Variants in MAST4 observed in about 807,000 individuals in gnomAD.
MAST4 encodes the protein microtubule-associated serine/threonine-protein kinase 4.
MAST4 carries 89 observed loss-of-function variants against 162.7 expected under a neutral mutation model. That is an observed-to-expected ratio of 0.55 (90% CI 0.46 to 0.65). MAST4 has a LOEUF of 0.65. Among genes scored for constraint, MAST4 ranks in the 30% least tolerant of loss-of-function variants. The pLI, the probability that MAST4 is intolerant of heterozygous loss-of-function variation, is 0.00. For missense variants in MAST4, 3,153 were observed against 3,374.0 expected (o/e 0.93, Z 1.62); for synonymous variants, 1,479 against 1,361.1 (o/e 1.09, Z -1.91).
intron 2 of MAST4, among the ~76,000 whole-genome samples, chr5:66,783,133 C>T (rs943490935): frequency 2.6e-5 from 4 of 152,176 alleles, no homozygotes; most frequent in African/African-American, 9.7e-5. Context: ...ACGCAAATAA[C>T]GACATCTAAA....
At position 66,726,604 on chromosome 5, in the gene MAST4, G is replaced by T. The variant is rs73765325; in HGVS notation, c.364-33105G>T. 6.7e-3 allele frequency among the ~76,000 whole-genome samples: 1,021 copies of T among 152,092 alleles called. 7 individuals carry two copies. Among genetic ancestry groups the T allele is most frequent in the African/African-American group, 0.023 (940 of 41,468 alleles). On this transcript the variant is annotated intron_variant, in intron 1 of 28. Transcript: ENST00000403625. ...TTAAGTTGGGGACTGACAGAGTCAG[G>T]TCTGCATTTCAAATAGATCAGGGGT...
intron 4 of MAST4, among the ~76,000 whole-genome samples, chr5:67,028,293 G>C (rs142801242): frequency 6.6e-6 from 1 of 152,050 alleles, no homozygotes; most frequent in Non-Finnish European, 1.5e-5. Flanking sequence ...AATAGCTATC[G>C]TACAGAGACT....
At chr5:66,793,973 C>T (rs1048427472) in intron 3 of MAST4, among the ~76,000 whole-genome samples, 6 of 152,206 alleles carry the variant, frequency 3.9e-5, no homozygotes, top group Non-Finnish European at 8.8e-5. Flanking sequence ...TCCTCAGTGC[C>T]TAGAATAGTG....
intron 4 of MAST4, among the ~76,000 whole-genome samples, chr5:67,016,902 C>G (rs1384858881): frequency 6.6e-6 from 1 of 152,166 alleles, no homozygotes; most frequent in Admixed American, 6.5e-5. Flanking sequence ...GACAAAAATT[C>G]TTTCTGATTA....
At chr5:66,819,972 T>C (rs1289575201) in intron 3 of MAST4, among the ~76,000 whole-genome samples, 1 of 150,894 alleles carries the variant, frequency 6.6e-6, no homozygotes, top group Non-Finnish European at 1.5e-5. Flanking sequence ...TAATTTTTTT[T>C]TTTTTTTTGT....
Position 67,166,601 on chromosome 5 carries a change from G to A in MAST4, c.7422G>A (p.Glu2474=), listed in dbSNP as rs762693079. Residue 2474 remains glutamate (E), a synonymous_variant, in exon 29 of 29, where the codon GAG becomes GAA. Transcript: ENST00000403625. ...CTGAAACCAGGGCCGGAGTTAGAGA[G>A]GCCTCTGCAGCCAGCAGCGACACCT... ...SFPETRAGVR[E]ASAASSDTSS... The A allele has an allele frequency of 1.5e-5, 24 of 1,601,398 alleles. No individual in the cohort carries two copies. The highest frequency in any genetic ancestry group is 1.7e-4 in the Middle Eastern group (1 of 6,044).
chr5:66,977,104 C>T (rs1748239459), intron 4 of MAST4, among the ~76,000 whole-genome samples: 1 of 151,994 alleles, frequency 6.6e-6, no homozygotes, highest in Non-Finnish European at 1.5e-5. Context: ...TTTCTATTAT[C>T]AGACTTTCTT....
chr5:66,955,948 C>T (rs1392766810), intron 4 of MAST4, among the ~76,000 whole-genome samples: 1 of 151,340 alleles, frequency 6.6e-6, no homozygotes, highest in Non-Finnish European at 1.5e-5. Context: ...TCATATATTA[C>T]AATTAGTTGA....
intron 4 of MAST4, among the ~76,000 whole-genome samples, chr5:66,933,967 C>T (rs1403420967): frequency 6.6e-6 from 1 of 152,070 alleles, no homozygotes; most frequent in East Asian, 1.9e-4. Context: ...GCTGAGATTA[C>T]AGGCATGAGC....
At chr5:67,035,964 G>T (rs1393861458) in intron 4 of MAST4, among the ~76,000 whole-genome samples, 2 of 151,984 alleles carry the variant, frequency 1.3e-5, no homozygotes, top group African/African-American at 4.8e-5. Context: ...ACCCCTCTAG[G>T]CTTGAGAAGC....
At chr5:66,909,454 T>C (rs1763601349) in intron 4 of MAST4, among the ~76,000 whole-genome samples, 2 of 152,196 alleles carry the variant, frequency 1.3e-5, no homozygotes, top group Admixed American at 6.5e-5. Context: ...GTGGTCTATA[T>C]GGAAAATTTT....
chr5:67,068,319 T>C (rs1198177922), intron 5 of MAST4, among the ~76,000 whole-genome samples: 4 of 152,198 alleles, frequency 2.6e-5, no homozygotes, highest in Non-Finnish European at 5.9e-5. Context: ...CTCACAGTTC[T>C]GCATGGCTGG....
At chr5:67,078,428 C>T (rs1039603031) in intron 5 of MAST4, among the ~76,000 whole-genome samples, 1 of 150,268 alleles carries the variant, frequency 6.7e-6, no homozygotes, top group Non-Finnish European at 1.5e-5. Flanking sequence ...AAACACAAAT[C>T]GTCAGTTAAC....
chr5:66,921,687 A>G lies in MAST4; in HGVS notation c.674+21705A>G, dbSNP rs553035368. Among the ~76,000 whole-genome samples the G allele has an allele frequency of 1.4e-4, 22 of 152,288 alleles. No homozygotes were observed. The South Asian group carries it at 4.6e-3, about 32-fold the overall frequency. On this transcript the variant is annotated intron_variant, in intron 4 of 28. Coordinates refer to ENST00000403625, the MANE Select transcript of MAST4 (RefSeq NM_001164664.2). ...GGTGGGAGGATGGCTTGAGCCTGGGAGGTGAAGGTTGCGGTGATCCTAGAT... is the reference window on the plus strand; with the variant it reads ...GGTGGGAGGATGGCTTGAGCCTGGGGGGTGAAGGTTGCGGTGATCCTAGAT...
chr5:66,766,231 G>A (rs866090720), intron 2 of MAST4, among the ~76,000 whole-genome samples: 48 of 152,166 alleles, frequency 3.2e-4, no homozygotes, highest in Admixed American at 1.4e-3. Context: ...AGCCGTAACA[G>A]CCAGAGAATG....
At chr5:66,758,091 G>A (rs987448888) in intron 1 of MAST4, among the ~76,000 whole-genome samples, 2 of 151,212 alleles carry the variant, frequency 1.3e-5, no homozygotes, top group Non-Finnish European at 2.9e-5. Context: ...AGTGCACTCT[G>A]GAGTCCCTTT....
At chr5:67,139,669 A>G (rs555691732) in intron 19 of MAST4, among the ~76,000 whole-genome samples, 1 of 152,356 alleles carries the variant, frequency 6.6e-6, no homozygotes, top group African/African-American at 2.4e-5. Context: ...AGCTCAAGGT[A>G]TAATGTTTCT....
chr5:66,828,785 T>A (rs939366406), intron 3 of MAST4: 2 of 1,583,316 alleles, frequency 1.3e-6, no homozygotes, highest in Admixed American at 1.8e-5. Flanking sequence ...CGTGCTGAAG[T>A]AGAGGTAGTA....
chr5:67,101,060 C>T (rs1375072574), intron 8 of MAST4, among the ~76,000 whole-genome samples: 1 of 152,112 alleles, frequency 6.6e-6, no homozygotes, highest in Non-Finnish European at 1.5e-5. Flanking sequence ...GTTTGTGTCA[C>T]CTGAAGTTTG....
Sources: gnomAD v4.1 joint callset for allele counts (sites outside exome capture counted in the v4.1 genomes callset) on GRCh38, gnomAD v4.1.1 for gene constraint, MANE v1.5 for transcripts, NCBI Gene and HGNC (gene_info 2026-07-23, HGNC 2026-07-21) for gene names.